The following LAMA3 variants were observed in gnomAD, a reference collection of about 807,000 sequenced individuals.
LAMA3 encodes the protein laminin subunit alpha-3.
A neutral mutation model predicts 402.0 loss-of-function variants in LAMA3; 281 were observed. The observed-to-expected ratio is 0.70, with a 90% CI of 0.63 to 0.77. LAMA3 has a LOEUF of 0.77. Among genes scored for constraint, LAMA3 ranks in the 30% least tolerant of loss-of-function variants. The probability of loss-of-function intolerance (pLI) is 0.00; values close to 1 mark genes in which losing one functional copy is unlikely to be tolerated. For synonymous variants in LAMA3, 1,431 were observed against 1,558.4 expected, an observed-to-expected ratio of 0.92 and a Z score of 1.93; for missense variants, 3,840 against 4,215.5, an observed-to-expected ratio of 0.91 and a Z score of 2.47.
chr18:23,914,436 A>G lies in LAMA3; in HGVS notation c.7356A>G (p.Ala2452=). 2 of 1,614,132 alleles carry G rather than the reference A, an allele frequency of 1.2e-6. No individual in the cohort carries two copies. The highest frequency in any genetic ancestry group is 8.5e-7 in the Non-Finnish European group (1 of 1,180,008). ...KDASRDYIGM[A]VVDGQLTCVY... ...CCTCCCGGGACTACATCGGCATGGC[A>G]GTTGTGGATGGCCAGCTCACCTGTG... Residue 2452 remains alanine, a synonymous_variant, in exon 57 of 75, where the codon GCA becomes GCG. Coordinates refer to ENST00000313654, the MANE Select transcript of LAMA3 (RefSeq NM_198129.4).
At chr18:23,884,636 A>G in intron 40 of LAMA3, 137 bp from the exon 41 acceptor site, 1 of 813,446 alleles carries the variant, frequency 1.2e-6, no homozygotes. Flanking sequence ...TTGATGGGCA[A>G]AATTTTCTTC....
intron 1 of LAMA3, among the ~76,000 whole-genome samples, chr18:23,703,982 G>C (rs1568093827): frequency 6.6e-6 from 1 of 152,222 alleles, no homozygotes; most frequent in Admixed American, 6.5e-5. Flanking sequence ...GGGAGCCCAG[G>C]ATGTCCTATA....
At chr18:23,940,759 CAA>C (rs2145477800) in intron 68 of LAMA3, among the ~76,000 whole-genome samples, 1 of 152,210 alleles carries the variant, frequency 6.6e-6, no homozygotes, top group African/African-American at 2.4e-5. Context: ...CTGCCCCATG[CAA>C]AGTCTTGGGG....
intron 41 of LAMA3, among the ~76,000 whole-genome samples, chr18:23,888,550 G>A (rs969592643): frequency 6.6e-6 from 1 of 152,046 alleles, no homozygotes. Flanking sequence ...CTGTGGGGGG[G>A]ACCGGTAAAG....
rs148037707 is a variant in LAMA3, at chr18:23,893,454, G to A, written c.5411-844G>A. 2.0e-4 allele frequency among the ~76,000 whole-genome samples: 30 copies of A among 151,986 alleles called. No homozygotes were observed. In the East Asian group the frequency reaches 2.9e-3, roughly 15 times the overall value. On this transcript the variant is annotated intron_variant, in intron 42 of 74. Transcript: ENST00000313654. ...AAAAATTAGCCAGGCATGGTGGTGC[G>A]CGCCTGTAGTCCCAGCTACTTGGGA...
At position 23,827,602 on chromosome 18, in the gene LAMA3, G is replaced by A. The variant is rs2063409914; in HGVS notation, c.2823+135G>A. On this transcript the variant is annotated intron_variant, in intron 23 of 74. Transcript: ENST00000313654. Reference sequence around the variant, plus strand: ...TTCTCAGAGGTGTTTATCAACATTTGCTGAACTATCTGATTTAGGGTGGGG... The same window carrying A: ...TTCTCAGAGGTGTTTATCAACATTTACTGAACTATCTGATTTAGGGTGGGG... The A allele has an allele frequency of 5.0e-6, 5 of 999,556 alleles. No homozygotes were observed. The Admixed American group carries it at 6.4e-5, about 13-fold the overall frequency. The allele number at this position is 999,556 out of a possible 1,614,324, so 61.9% of individuals were successfully genotyped here. A position where few individuals can be genotyped will look rare whatever the true frequency, so the allele number is the denominator to read the frequency against.
intron 8 of LAMA3, among the ~76,000 whole-genome samples, chr18:23,770,213 GA>G (rs1214607803): frequency 6.6e-6 from 1 of 151,990 alleles, no homozygotes; most frequent in East Asian, 1.9e-4. Context: ...CAATAACCAT[GA>G]AAAATTGACA....
intron 1 of LAMA3, among the ~76,000 whole-genome samples, chr18:23,698,807 A>C (rs1040363842): frequency 1.3e-5 from 2 of 152,172 alleles, no homozygotes. Context: ...AAGGGGCTGG[A>C]AGTACAGTTA....
At chr18:23,761,645 A>G (rs2061971449) in intron 7 of LAMA3, among the ~76,000 whole-genome samples, 1 of 152,224 alleles carries the variant, frequency 6.6e-6, no homozygotes, top group South Asian at 2.1e-4. Context: ...AGTAGTAGTA[A>G]TAGTGGTAGT....
At chr18:23,726,625 T>C (rs2061305016) in intron 2 of LAMA3, among the ~76,000 whole-genome samples, 1 of 152,156 alleles carries the variant, frequency 6.6e-6, no homozygotes. Context: ...TTTATTTATT[T>C]TTTATTTTTT....
intron 1 of LAMA3, 82 bp downstream of exon 1, chr18:23,690,059 T>A: frequency 8.9e-7 from 1 of 1,129,508 alleles, no homozygotes; most frequent in Non-Finnish European, 1.2e-6. Flanking sequence ...GATCGGGCCC[T>A]TTCCTCACGC....
At position 23,839,770 on chromosome 18, in the gene LAMA3, T is replaced by G. The variant is rs2063657959; in HGVS notation, c.3192-15T>G. The G allele has an allele frequency of 6.2e-7, 1 of 1,613,974 alleles. No individual in the cohort carries two copies. ...TTCTTTTAAAAATCAGATTTTTAAA[T>G]ATTCTATTTTTCAGTGCCACCTGTG... On this transcript the variant is annotated splice_polypyrimidine_tract_variant and intron_variant, in intron 26 of 74. Transcript: ENST00000313654. This position sits in a 1 kb window ranked among gnomAD's most constrained non-coding sequence, Gnocchi z 4.5.
rs1056017887 is a variant in LAMA3 at position 23,922,954 on chromosome 18, C to T, written c.8177+1369C>T. 1.2e-4 allele frequency among the ~76,000 whole-genome samples: 19 copies of T among 152,250 alleles called. 1 individual carries two copies. The highest frequency in any genetic ancestry group is 4.3e-4 in the African/African-American group (18 of 41,534). ...AGACAGTCACTACAGGAGAACATGA[C>T]GTGTGCCATAGGAGGAAGCTCAGGG... On this transcript the variant is annotated intron_variant, in intron 62 of 74. Transcript: ENST00000313654.
intron 5 of LAMA3, among the ~76,000 whole-genome samples, 156 bp from the exon 6 acceptor site, chr18:23,753,565 G>A (rs1305537250): frequency 6.6e-6 from 1 of 152,118 alleles, no homozygotes; most frequent in Admixed American, 6.5e-5. Context: ...TGAGGAATGT[G>A]TTTATTTTAT....
At chr18:23,944,744 A>G (rs2082646452) in intron 69 of LAMA3, among the ~76,000 whole-genome samples, 1 of 152,194 alleles carries the variant, frequency 6.6e-6, no homozygotes, top group South Asian at 2.1e-4. Flanking sequence ...AAGAAATGGA[A>G]TTAGAGAGGA....
At chr18:23,889,379 T>A (rs866612469) in intron 41 of LAMA3, among the ~76,000 whole-genome samples, 2 of 151,998 alleles carry the variant, frequency 1.3e-5, no homozygotes, top group African/African-American at 4.8e-5. Context: ...CTGGGCAATA[T>A]AGCAAGACCT....
intron 66 of LAMA3, among the ~76,000 whole-genome samples, chr18:23,932,858 GC>G (rs1208265763): frequency 1.3e-5 from 2 of 152,172 alleles, no homozygotes; most frequent in Admixed American, 1.3e-4. Context: ...GAATTCTCAG[GC>G]TACCATGACA....
chr18:23,822,128 T>C, intron 19 of LAMA3, 124 bp from the exon 20 acceptor site: 1 of 974,504 alleles, frequency 1.0e-6, no homozygotes, highest in Non-Finnish European at 1.6e-6. Flanking sequence ...TGAGTGTGTA[T>C]GTGTGTGTAT....
At chr18:23,837,673 T>C (rs928134438) in intron 25 of LAMA3, among the ~76,000 whole-genome samples, 3 of 149,402 alleles carry the variant, frequency 2.0e-5, no homozygotes, top group Middle Eastern at 3.5e-3. Flanking sequence ...GACTTGAACA[T>C]TGAGTATTCT....
Sources: allele counts gnomAD v4.1 joint callset (sites outside exome capture counted in the v4.1 genomes callset), GRCh38; gene constraint gnomAD v4.1.1; non-coding constraint Gnocchi (gnomAD v3.1); transcripts MANE v1.5; gene names NCBI Gene and HGNC (gene_info 2026-07-23, HGNC 2026-07-21).